Variants in TASP1 observed in about 807,000 individuals in gnomAD.
The protein encoded by TASP1 is threonine aspartase 1.
Under a neutral mutation model 56.6 loss-of-function variants are expected in TASP1, and 16 were observed. The observed-to-expected ratio is 0.28, with a 90% CI of 0.19 to 0.43. The LOEUF is 0.43. TASP1 is among the 20% of genes least tolerant of loss of function. The pLI is 1.00. For synonymous variants in TASP1, 179 were observed against 184.2 expected (o/e 0.97, Z 0.23); for missense variants, 393 against 511.6 (o/e 0.77, Z 2.24).
chr20:13,502,045 T>C (rs2043966025), intron 10 of TASP1, among the ~76,000 whole-genome samples: 1 of 151,886 alleles, frequency 6.6e-6, no homozygotes, highest in African/African-American at 2.4e-5. Context: ...AAAAATATAA[T>C]GGATATAACA....
the TASP1 span, among the ~76,000 whole-genome samples, chr20:13,358,105 G>T: frequency 0.01 from 1,592 of 152,084 alleles, 35 homozygotes; most frequent in African/African-American, 0.036. Flanking sequence ...GGCTCAAAAA[G>T]CACCCCCACT....
intron 11 of TASP1, among the ~76,000 whole-genome samples, chr20:13,463,349 A>G (rs1254334170): frequency 6.6e-6 from 1 of 152,172 alleles, no homozygotes; most frequent in African/African-American, 2.4e-5. Flanking sequence ...GCTTTACAAC[A>G]TATGCAAAAA....
chr20:13,325,294 G>T, the TASP1 span, among the ~76,000 whole-genome samples: 1 of 152,204 alleles, frequency 6.6e-6, no homozygotes, highest in Admixed American at 6.5e-5. Context: ...ATGCGAGGTT[G>T]CACATCTGTA....
intron 10 of TASP1, among the ~76,000 whole-genome samples, chr20:13,492,036 A>G (rs2043550455): frequency 6.6e-6 from 1 of 152,208 alleles, no homozygotes; most frequent in African/African-American, 2.4e-5. Context: ...TAATACAAAG[A>G]GCCCCAGAGG....
chr20:13,541,055 T>C (rs987410617), intron 8 of TASP1, among the ~76,000 whole-genome samples: 7 of 152,164 alleles, frequency 4.6e-5, no homozygotes, highest in Non-Finnish European at 7.3e-5. Flanking sequence ...GAATGAGATA[T>C]TAAGAGACAT....
the TASP1 span, among the ~76,000 whole-genome samples, chr20:13,369,068 G>A: frequency 6.6e-6 from 1 of 152,164 alleles, no homozygotes; most frequent in Non-Finnish European, 1.5e-5. Flanking sequence ...ATTTGTATTT[G>A]AGGTTGAAGT....
At chr20:13,395,693 C>CTT (rs71188158) in intron 13 of TASP1, among the ~76,000 whole-genome samples, 55 of 136,410 alleles carry the variant, frequency 4.0e-4, no homozygotes, top group African/African-American at 1.1e-3. Context: ...CCTCAGCTTT[C>CTT]TTTTTTTTTT....
At chr20:13,406,123 T>G (rs2041911036) in intron 13 of TASP1, among the ~76,000 whole-genome samples, 1 of 152,180 alleles carries the variant, frequency 6.6e-6, no homozygotes, top group African/African-American at 2.4e-5. Flanking sequence ...GTCCTCTAAC[T>G]CTGATCTTTT....
chr20:13,117,857 C>T, the TASP1 span: 4 of 797,994 alleles, frequency 5.0e-6, no homozygotes, highest in Non-Finnish European at 1.9e-6. Flanking sequence ...AGCCTGGCTA[C>T]AGTGGGTTCA....
intron 6 of TASP1, among the ~76,000 whole-genome samples, chr20:13,574,272 G>A (rs1214976506): frequency 6.6e-6 from 1 of 152,116 alleles, no homozygotes. Flanking sequence ...TTAGCTCAAG[G>A]CCAAATGCTT....
the TASP1 span, among the ~76,000 whole-genome samples, chr20:13,265,672 A>G: frequency 6.6e-6 from 1 of 152,262 alleles, no homozygotes; most frequent in East Asian, 1.9e-4. Context: ...TGCAATTGTG[A>G]TAGTATTTGG....
the TASP1 span, chr20:13,280,034 T>A: frequency 1.2e-6 from 1 of 817,354 alleles, no homozygotes; most frequent in Non-Finnish European, 1.9e-6. Context: ...ACAAAGGCTG[T>A]CTTCCGCAGA....
downstream of TASP1, among the ~76,000 whole-genome samples, chr20:13,385,318 GT>G (rs1385425008): frequency 6.6e-6 from 1 of 152,210 alleles, no homozygotes; most frequent in Non-Finnish European, 1.5e-5. Flanking sequence ...TTCAGCTTCT[GT>G]TTACTTCACC....
At chr20:13,245,819 G>A in the TASP1 span, among the ~76,000 whole-genome samples, 5 of 152,094 alleles carry the variant, frequency 3.3e-5, no homozygotes, top group African/African-American at 1.2e-4. Flanking sequence ...AACAGATACT[G>A]AGGAACTCCA....
At chr20:13,270,422 C>A in the TASP1 span, 1 of 1,463,856 alleles carries the variant, frequency 6.8e-7, no homozygotes, top group South Asian at 1.3e-5. Flanking sequence ...TGTCCTTGCT[C>A]CTGAATATAA....
At chr20:13,459,988 C>G (rs1056719309) in intron 11 of TASP1, among the ~76,000 whole-genome samples, 2 of 152,120 alleles carry the variant, frequency 1.3e-5, no homozygotes, top group Admixed American at 1.3e-4. Context: ...GAAAAAAACA[C>G]TTTCCTCTCC....
chr20:13,371,359 T>C, the TASP1 span, among the ~76,000 whole-genome samples: 5 of 152,194 alleles, frequency 3.3e-5, no homozygotes, highest in African/African-American at 1.2e-4. Flanking sequence ...GTTGTGTCTT[T>C]GTTTTCATTC....
intron 13 of TASP1, among the ~76,000 whole-genome samples, chr20:13,407,311 A>G (rs1434806549): frequency 1.3e-5 from 2 of 152,198 alleles, no homozygotes; most frequent in Non-Finnish European, 2.9e-5. Context: ...CATTTCATAT[A>G]AACAAAATCA....
the TASP1 span, among the ~76,000 whole-genome samples, chr20:13,293,231 C>A: frequency 1.3e-5 from 2 of 149,226 alleles, no homozygotes; most frequent in Non-Finnish European, 3.0e-5. Flanking sequence ...AAAAAGAATT[C>A]TTCATAAACC....
Sources: gnomAD v4.1 joint callset for allele counts (sites outside exome capture counted in the v4.1 genomes callset) on GRCh38, gnomAD v4.1.1 for gene constraint, MANE v1.5 for transcripts, NCBI Gene and HGNC (gene_info 2026-07-23, HGNC 2026-07-21) for gene names.